CSMD1: variants seen among roughly 807,000 people sequenced by gnomAD.
CSMD1 encodes CUB and Sushi multiple domains 1.
CSMD1 carries 213 observed loss-of-function variants against 417.5 expected under a neutral mutation model. The observed-to-expected ratio is 0.51, with a 90% CI of 0.46 to 0.57. The LOEUF (loss-of-function observed/expected upper bound fraction) is 0.57. Among genes scored for constraint, CSMD1 ranks in the 20% least tolerant of loss-of-function variants. The pLI is 0.00. For synonymous variants in CSMD1, 2,862 were observed against 1,736.8 expected, an observed-to-expected ratio of 1.65 and a Z score of -16.11; for missense variants, 6,923 against 4,529.7, an observed-to-expected ratio of 1.53 and a Z score of -15.17.
At chr8:3,572,615 T>G (rs1356795584) in intron 10 of CSMD1, among the ~76,000 whole-genome samples, 1 of 152,234 alleles carries the variant, frequency 6.6e-6, no homozygotes, top group Non-Finnish European at 1.5e-5. Context: ...CTATGTTTTC[T>G]TTAAAAGAAA....
At chr8:4,509,742 A>T (rs1005105497) in intron 2 of CSMD1, among the ~76,000 whole-genome samples, 1 of 152,130 alleles carries the variant, frequency 6.6e-6, no homozygotes, top group African/African-American at 2.4e-5. Context: ...TTTACATGTG[A>T]TGATTTACTT....
At chr8:4,633,546 G>C (rs1165488423) in intron 2 of CSMD1, among the ~76,000 whole-genome samples, 1 of 149,878 alleles carries the variant, frequency 6.7e-6, no homozygotes, top group Non-Finnish European at 1.5e-5. Flanking sequence ...GCCATGCCAG[G>C]CCTACTTCCT....
intron 1 of CSMD1, among the ~76,000 whole-genome samples, chr8:4,822,737 C>G (rs1199665818): frequency 1.3e-5 from 2 of 152,080 alleles, no homozygotes; most frequent in Admixed American, 6.6e-5. Flanking sequence ...GAATGATTCA[C>G]TATTTTTATA....
intron 1 of CSMD1, among the ~76,000 whole-genome samples, chr8:4,727,449 T>A (rs1164619390): frequency 6.6e-6 from 1 of 152,182 alleles, no homozygotes. Context: ...GTAAGATAGT[T>A]CTAAAAGACT....
At chr8:4,523,621 A>G (rs567210832) in intron 2 of CSMD1, among the ~76,000 whole-genome samples, 10 of 152,298 alleles carry the variant, frequency 6.6e-5, no homozygotes, top group African/African-American at 2.4e-4. Flanking sequence ...AATGCAAGTC[A>G]GAAAACCAAG....
chr8:3,785,363 T>C (rs879275360), intron 5 of CSMD1, among the ~76,000 whole-genome samples: 3 of 152,138 alleles, frequency 2.0e-5, no homozygotes, highest in Non-Finnish European at 4.4e-5. Flanking sequence ...TGGAACCATT[T>C]CTTTTTTCAT....
chr8:4,780,635 G>C (rs1797109035), intron 1 of CSMD1, among the ~76,000 whole-genome samples: 1 of 152,094 alleles, frequency 6.6e-6, no homozygotes. Flanking sequence ...AAGTTATTTA[G>C]TAGTGATTTG....
intron 41 of CSMD1, 96 bp downstream of exon 41, chr8:3,142,369 A>G (rs1818555665): frequency 9.2e-7 from 1 of 1,082,316 alleles, no homozygotes; most frequent in Non-Finnish European, 1.4e-6. Flanking sequence ...CACTCGTACA[A>G]GCTTGGAACC....
intron 28 of CSMD1, among the ~76,000 whole-genome samples, 172 bp from the exon 29 acceptor site, chr8:3,219,614 T>C (rs562440185): frequency 9.9e-5 from 15 of 152,274 alleles, no homozygotes; most frequent in African/African-American, 3.6e-4. Context: ...AAAATAGCAA[T>C]AGTATAAAAT....
At chr8:4,798,976 C>T (rs1318261368) in intron 1 of CSMD1, among the ~76,000 whole-genome samples, 1 of 152,198 alleles carries the variant, frequency 6.6e-6, no homozygotes, top group Non-Finnish European at 1.5e-5. Context: ...TGCTTCTGCA[C>T]GCCCACATCC....
At chr8:4,115,210 TCAG>T (rs560552218) in intron 3 of CSMD1, among the ~76,000 whole-genome samples, 1 of 152,332 alleles carries the variant, frequency 6.6e-6, no homozygotes, top group South Asian at 2.1e-4. Flanking sequence ...TCTTGGTAAG[TCAG>T]CAGCCACCAA....
intron 3 of CSMD1, among the ~76,000 whole-genome samples, chr8:4,125,697 G>A (rs973342986): frequency 6.6e-6 from 1 of 152,132 alleles, no homozygotes; most frequent in Non-Finnish European, 1.5e-5. Flanking sequence ...CCTGGGCATA[G>A]GCTGAACTAA....
At chr8:3,717,627 C>G (rs1801916414) in intron 6 of CSMD1, among the ~76,000 whole-genome samples, 1 of 152,130 alleles carries the variant, frequency 6.6e-6, no homozygotes, top group Non-Finnish European at 1.5e-5. Flanking sequence ...CAGACAACCA[C>G]TGTTAGAACG....
At chr8:4,496,878 C>G (rs1351695293) in intron 2 of CSMD1, among the ~76,000 whole-genome samples, 1 of 152,034 alleles carries the variant, frequency 6.6e-6, no homozygotes, top group African/African-American at 2.4e-5. Flanking sequence ...CAGATCTTTC[C>G]CAGGCTTTCC....
chr8:4,604,015 A>G (rs1563326568), intron 2 of CSMD1, among the ~76,000 whole-genome samples: 1 of 152,192 alleles, frequency 6.6e-6, no homozygotes, highest in Non-Finnish European at 1.5e-5. Context: ...AGAATTTTAT[A>G]TAGAAACTGG....
chr8:4,351,599 G>A (rs1339054528), intron 3 of CSMD1, among the ~76,000 whole-genome samples: 1 of 152,202 alleles, frequency 6.6e-6, no homozygotes. Context: ...TCCTGAAAGA[G>A]ACTTCAACTT....
At chr8:4,800,225 G>A (rs1296536039) in intron 1 of CSMD1, among the ~76,000 whole-genome samples, 5 of 152,060 alleles carry the variant, frequency 3.3e-5, no homozygotes, top group Admixed American at 2.6e-4. Context: ...GATCACCTGA[G>A]GTCAGGAGTT....
At chr8:3,943,491 T>G (rs969753254) in intron 5 of CSMD1, among the ~76,000 whole-genome samples, 26 of 150,596 alleles carry the variant, frequency 1.7e-4, no homozygotes, top group Admixed American at 1.7e-3. Flanking sequence ...GTGCTGAAAT[T>G]AGTGAACAGA....
chr8:4,466,218 A>AG (rs1159564275), intron 2 of CSMD1, among the ~76,000 whole-genome samples: 1 of 152,190 alleles, frequency 6.6e-6, no homozygotes, highest in Non-Finnish European at 1.5e-5. Context: ...ATAGTGAGAC[A>AG]GGGATCTCTC....
Sources: allele counts gnomAD v4.1 joint callset (sites outside exome capture counted in the v4.1 genomes callset), GRCh38; gene constraint gnomAD v4.1.1; transcripts MANE v1.5; gene names NCBI Gene and HGNC (gene_info 2026-07-23, HGNC 2026-07-21).